The following FAM91A1 variants were observed in gnomAD, a reference collection of about 807,000 sequenced individuals.
FAM91A1 encodes family with sequence similarity 91 member A1.
FAM91A1 carries 41 observed loss-of-function variants against 113.5 expected under a neutral mutation model. The observed-to-expected ratio is 0.36, with a 90% CI of 0.28 to 0.47. The LOEUF (loss-of-function observed/expected upper bound fraction) is 0.47. FAM91A1 is among the 20% of genes least tolerant of loss of function. The probability of loss-of-function intolerance (pLI) is 1.00; values close to 1 mark genes in which losing one functional copy is unlikely to be tolerated. For missense variants in FAM91A1, 696 were observed against 1,001.2 expected, an observed-to-expected ratio of 0.70 and a Z score of 4.11; for synonymous variants, 307 against 347.9, an observed-to-expected ratio of 0.88 and a Z score of 1.31.
At chr8:123,797,682 T>C (rs559367523) in intron 15 of FAM91A1, among the ~76,000 whole-genome samples, 2 of 152,310 alleles carry the variant, frequency 1.3e-5, no homozygotes, top group South Asian at 4.1e-4. Flanking sequence ...GAGTCAGCAG[T>C]AGGCTATTAG....
rs550103409 is a variant in FAM91A1 at position 123,787,316 on chromosome 8, C to T, written c.1134C>T (p.Ile378=). ...LSLSTGHTKR[I]AFLFDSTLTA... is the part of the protein sequence containing the mutation. Reference sequence around the variant, plus strand: ...TGTCTACAGGACACACGAAGCGCATCGCATTCCTGTTTGACTCCACTCTTA... The same window carrying T: ...TGTCTACAGGACACACGAAGCGCATTGCATTCCTGTTTGACTCCACTCTTA... The change falls in exon 13 of 24, where the codon ATC becomes ATT. Residue 378 remains isoleucine, a synonymous_variant. Coordinates refer to ENST00000334705, the MANE Select transcript of FAM91A1 (RefSeq NM_144963.4). 127 of 1,611,738 alleles carry T rather than the reference C, an allele frequency of 7.9e-5. 1 individual carries two copies. Among genetic ancestry groups the T allele is most frequent in the Non-Finnish European group, 9.9e-5 (117 of 1,179,690 alleles).
intron 13 of FAM91A1, 98 bp from the exon 14 acceptor site, chr8:123,787,566 A>G (rs2130093659): frequency 8.8e-7 from 1 of 1,135,054 alleles, no homozygotes; most frequent in East Asian, 2.6e-5. Flanking sequence ...CCAATCCTTA[A>G]GTTTAAATAT....
Position 123,812,825 on chromosome 8 carries a change from T to A in FAM91A1, c.*121T>A. On this transcript the variant is annotated 3_prime_UTR_variant, in exon 24 of 24. Coordinates refer to ENST00000334705, the MANE Select transcript of FAM91A1 (RefSeq NM_144963.4). Reference sequence around the variant, plus strand: ...AGTGCAATTCTTGCTTAACTAATATTAAAAGTTGGGGAACATATTCATGTT... The same window carrying A: ...AGTGCAATTCTTGCTTAACTAATATAAAAAGTTGGGGAACATATTCATGTT... The A allele has an allele frequency of 2.3e-6, 2 of 852,772 alleles. No individual in the cohort carries two copies. Among genetic ancestry groups the A allele is most frequent in the Non-Finnish European group, 3.4e-6 (2 of 594,328 alleles). The allele number at this position is 852,772 out of a possible 1,614,324, so 52.8% of individuals were successfully genotyped here.
intron 1 of FAM91A1, among the ~76,000 whole-genome samples, chr8:123,773,554 A>C (rs1311972500): frequency 6.6e-6 from 1 of 152,234 alleles, no homozygotes; most frequent in Non-Finnish European, 1.5e-5. Context: ...TAATGAGGCC[A>C]CAGGAGATTG....
chr8:123,799,752 T>C lies in FAM91A1; in HGVS notation c.1696-20T>C. The C allele has an allele frequency of 6.2e-7, 1 of 1,606,174 alleles. No individual in the cohort carries two copies. On this transcript the variant is annotated intron_variant, in intron 17 of 23. Transcript: ENST00000334705. ...CCTTATTTCTGAATGCCATTTTACC[T>C]GTTAATTTCTTTTCAATAGAGTTAT...
At chr8:123,805,969 T>A in intron 19 of FAM91A1, 111 bp from the exon 20 acceptor site, 1 of 1,007,794 alleles carries the variant, frequency 9.9e-7, no homozygotes, top group South Asian at 3.5e-5. Context: ...TCAATTATGA[T>A]GTATTAAAGT....
At chr8:123,775,914 G>A (rs1215076509) in intron 3 of FAM91A1, among the ~76,000 whole-genome samples, 1 of 152,102 alleles carries the variant, frequency 6.6e-6, no homozygotes, top group Non-Finnish European at 1.5e-5. Context: ...GCAGTGAGCC[G>A]AGATAGCGCC....
At chr8:123,784,791 T>G (rs1815212514) in intron 9 of FAM91A1, 1 of 428,056 alleles carries the variant, frequency 2.3e-6, no homozygotes, top group African/African-American at 2.1e-5. Context: ...TTTATATGAC[T>G]TTTTGTACTA....
At chr8:123,790,625 C>T (rs1359769449) in intron 15 of FAM91A1, among the ~76,000 whole-genome samples, 1 of 152,196 alleles carries the variant, frequency 6.6e-6, no homozygotes, top group South Asian at 2.1e-4. Context: ...CATTTATTCT[C>T]TCACTAGCAT....
chr8:123,768,902 T>C (rs2130021659), intron 1 of FAM91A1, 128 bp downstream of exon 1: 3 of 947,658 alleles, frequency 3.2e-6, no homozygotes, highest in East Asian at 2.7e-5. Context: ...CTCCGTGGTC[T>C]TGGGGAGACG....
chr8:123,785,537 A>G (rs1815230702), intron 10 of FAM91A1, 92 bp from the exon 11 acceptor site: 3 of 824,922 alleles, frequency 3.6e-6, no homozygotes, highest in Non-Finnish European at 5.8e-6. Context: ...TTTGAGAATC[A>G]CTATTAGTCT....
intron 19 of FAM91A1, 112 bp from the exon 20 acceptor site, chr8:123,805,968 A>G (rs1475990192): frequency 1.0e-6 from 1 of 1,003,330 alleles, no homozygotes; most frequent in Non-Finnish European, 1.4e-6. Flanking sequence ...ATCAATTATG[A>G]TGTATTAAAG....
chr8:123,776,006 A>T (rs918544526), intron 3 of FAM91A1, among the ~76,000 whole-genome samples: 5 of 152,184 alleles, frequency 3.3e-5, no homozygotes, highest in Non-Finnish European at 7.3e-5. Context: ...GTATTTAACT[A>T]TTCACTAACT....
At chr8:123,798,423 C>T (rs1310620439) in intron 16 of FAM91A1, among the ~76,000 whole-genome samples, 185 bp downstream of exon 16, 1 of 152,140 alleles carries the variant, frequency 6.6e-6, no homozygotes, top group Non-Finnish European at 1.5e-5. Flanking sequence ...ATATAAGTAT[C>T]ACCTAGTGAC....
chr8:123,814,651 T>A lies in FAM91A1; in HGVS notation c.*1947T>A, dbSNP rs1363486634. 1 of 152,834 alleles carries A rather than the reference T, an allele frequency of 6.5e-6. No individual in the cohort carries two copies. Among genetic ancestry groups the A allele is most frequent in the East Asian group, 1.9e-4 (1 of 5,204 alleles). 9.5% of individuals were successfully genotyped at this position (152,834 alleles called of 1,614,324 possible). On this transcript the variant is annotated 3_prime_UTR_variant, in exon 24 of 24. Transcript: ENST00000334705. ...ATGGGGTCCCCTCTGGTTTCTTGTG[T>A]TGAATGAGGCAAGGGTAATCATCTG...
intron 9 of FAM91A1, 38 bp downstream of exon 9, chr8:123,784,614 G>A (rs1815206751): frequency 2.1e-6 from 3 of 1,460,860 alleles, no homozygotes; most frequent in Non-Finnish European, 2.8e-6. Flanking sequence ...ATAATCTCAA[G>A]ATTGTAAGTT....
At chr8:123,782,020 C>T (rs1022691511) in intron 8 of FAM91A1, among the ~76,000 whole-genome samples, 8 of 152,182 alleles carry the variant, frequency 5.3e-5, no homozygotes, top group African/African-American at 1.9e-4. Flanking sequence ...TTGAGATCCA[C>T]CTATTAATAA....
rs571909562 is a variant in FAM91A1, at chr8:123,789,821, A to C, written c.1411+76A>C. On this transcript the variant is annotated intron_variant, in intron 15 of 23. Coordinates refer to ENST00000334705, the MANE Select transcript of FAM91A1 (RefSeq NM_144963.4). ...CTAAGAAATTAAACAGATCATGCTC[A>C]CTTATATAATCATCACTTACGTATT... The C allele has an allele frequency of 2.1e-5, 32 of 1,500,330 alleles. No individual in the cohort carries two copies. In the African/African-American group the frequency reaches 2.7e-4, roughly 13 times the overall value. 92.9% of individuals were successfully genotyped at this position (1,500,330 alleles called of 1,614,324 possible).
At chr8:123,797,899 A>G (rs1466903062) in intron 15 of FAM91A1, among the ~76,000 whole-genome samples, 191 bp from the exon 16 acceptor site, 3 of 152,172 alleles carry the variant, frequency 2.0e-5, no homozygotes, top group East Asian at 3.9e-4. Context: ...AGACCAGAGA[A>G]TAAAACATTT....
Sources: allele counts gnomAD v4.1 joint callset (sites outside exome capture counted in the v4.1 genomes callset), GRCh38; gene constraint gnomAD v4.1.1; transcripts MANE v1.5; gene names NCBI Gene and HGNC (gene_info 2026-07-23, HGNC 2026-07-21).